The following TNRC6A variants were observed in gnomAD, a reference collection of about 807,000 sequenced individuals.
TNRC6A encodes the protein trinucleotide repeat containing adaptor 6A.
In TNRC6A, 44 loss-of-function variants were observed where a neutral mutation model predicts 221.2. That is an observed-to-expected ratio of 0.20 (90% CI 0.16 to 0.26). TNRC6A has a LOEUF of 0.26. Among genes scored for constraint, TNRC6A ranks in the 10% least tolerant of loss-of-function variants. The pLI, the probability that TNRC6A is intolerant of heterozygous loss-of-function variation, is 1.00. For synonymous variants in TNRC6A, 847 were observed against 838.5 expected (o/e 1.01, Z -0.18); for missense variants, 2,199 against 2,404.4 (o/e 0.91, Z 1.79).
chr16:24,738,211 T>G (rs984922438), intron 2 of TNRC6A, among the ~76,000 whole-genome samples: 4 of 152,154 alleles, frequency 2.6e-5, no homozygotes, highest in Non-Finnish European at 4.4e-5. Flanking sequence ...CCCTTCCACC[T>G]TTTGCCCTGT....
At position 24,791,526 on chromosome 16, in the gene TNRC6A, A is replaced by G; in HGVS notation, c.2884A>G (p.Thr962Ala). Residue 962 changes from threonine to alanine, a missense_variant, in exon 6 of 25, where the codon ACA becomes GCA. Thr to Ala is a moderately conservative substitution (Grantham distance 58). Coordinates refer to ENST00000395799, the MANE Select transcript of TNRC6A (RefSeq NM_014494.4). The part of the protein sequence containing the change: ...IVGSWGIPPA[T>A]GKPPGTGWLG... The stretch of plus-strand genomic sequence containing the variant: ...TGGATCTTGGGGAATCCCACCAGCT[A>G]CAGGCAAACCTCCTGGTACAGGCTG... 6.5e-7 allele frequency: 1 copy of G among 1,537,306 alleles called. No homozygotes were observed. The highest frequency in any genetic ancestry group is 8.7e-7 in the Non-Finnish European group (1 of 1,146,578).
At chr16:24,723,591 CA>C (rs71383707) in intron 2 of TNRC6A, among the ~76,000 whole-genome samples, 37 of 140,372 alleles carry the variant, frequency 2.6e-4, no homozygotes, top group Middle Eastern at 3.8e-3. Flanking sequence ...AAGACTCTGT[CA>C]AAAAAAAAAA....
intron 1 of TNRC6A, among the ~76,000 whole-genome samples, chr16:24,621,809 A>G (rs2141602479): frequency 6.6e-6 from 1 of 152,350 alleles, no homozygotes; most frequent in South Asian, 2.1e-4. Flanking sequence ...TAGTAAAAAT[A>G]GTACTACAAA....
At chr16:24,745,237 CT>C (rs2056979547) in intron 2 of TNRC6A, among the ~76,000 whole-genome samples, 2 of 152,196 alleles carry the variant, frequency 1.3e-5, no homozygotes. Context: ...CTCCAACTTC[CT>C]TACCTATTTT....
At chr16:24,797,778 A>G in intron 10 of TNRC6A, 137 bp from the exon 11 acceptor site, 1 of 879,708 alleles carries the variant, frequency 1.1e-6, no homozygotes, top group South Asian at 2.2e-5. Context: ...TTTAAAAATT[A>G]CATTAGGCAG....
At chr16:24,730,435 G>T in intron 2 of TNRC6A, 135 bp downstream of exon 2, 1 of 989,758 alleles carries the variant, frequency 1.0e-6, no homozygotes, top group Non-Finnish European at 1.5e-6. Context: ...GGGAGAAGCG[G>T]CCTGGGGGAA....
intron 18 of TNRC6A, among the ~76,000 whole-genome samples, chr16:24,812,257 G>T (rs747278839): frequency 1.3e-5 from 2 of 151,804 alleles, no homozygotes; most frequent in Non-Finnish European, 2.9e-5. Flanking sequence ...TCACCATGTT[G>T]GCCAGGCTGG....
chr16:24,805,146 C>G lies in TNRC6A; in HGVS notation c.4117C>G (p.Pro1373Ala). ...RAQVPPPLLS[P>A]QVPVSLLKYA... ...TCAAGTGCCTCCTCCATTACTCTCCCCTCAGGTAAATAAGCTTTCCTTACA... is the reference window on the plus strand; with the variant it reads ...TCAAGTGCCTCCTCCATTACTCTCCGCTCAGGTAAATAAGCTTTCCTTACA... Residue 1373 changes from proline (P) to alanine (A), a missense_variant, in exon 14 of 25, where the codon CCT becomes GCT. Physicochemically the swap from Pro to Ala is conservative, Grantham distance 27 (BLOSUM62 -1). Around this residue, in one of 8 missense-constraint regions of TNRC6A, gnomAD observed 449 missense variants for 579.7 expected, o/e 0.77. Coordinates refer to ENST00000395799, the MANE Select transcript of TNRC6A (RefSeq NM_014494.4). 1.2e-6 allele frequency: 2 copies of G among 1,614,110 alleles called. No homozygotes were observed. The highest frequency in any genetic ancestry group is 1.7e-6 in the Non-Finnish European group (2 of 1,180,000).
intron 2 of TNRC6A, among the ~76,000 whole-genome samples, chr16:24,646,859 C>T (rs1300671360): frequency 6.6e-6 from 1 of 152,134 alleles, no homozygotes; most frequent in Non-Finnish European, 1.5e-5. Context: ...TACGTTCTTT[C>T]ATTCTATGGG....
At chr16:24,729,919 G>T in intron 1 of TNRC6A, 73 bp downstream of exon 1, 1 of 1,187,976 alleles carries the variant, frequency 8.4e-7, no homozygotes, top group Non-Finnish European at 1.0e-6. Flanking sequence ...AACCCGCGGC[G>T]GCGGCAGCAG....
chr16:24,806,143 A>T (rs974653681), intron 15 of TNRC6A, 63 bp from the exon 16 acceptor site: 2 of 1,590,914 alleles, frequency 1.3e-6, no homozygotes, highest in African/African-American at 2.7e-5. Flanking sequence ...TGCTGTCGTC[A>T]TTTGGAAGCA....
intron 4 of TNRC6A, among the ~76,000 whole-genome samples, chr16:24,769,426 T>G (rs1255272157): frequency 4.0e-5 from 6 of 151,182 alleles, no homozygotes; most frequent in African/African-American, 1.5e-4. Context: ...TTTTCCCATT[T>G]CTTTAAAACT....
intron 5 of TNRC6A, among the ~76,000 whole-genome samples, chr16:24,779,158 G>A (rs746030737): frequency 2.2e-4 from 34 of 152,152 alleles, no homozygotes; most frequent in Non-Finnish European, 4.6e-4. Context: ...TCAGGTGTGG[G>A]CATAGGAAGA....
At chr16:24,695,121 G>T (rs112271158) in intron 2 of TNRC6A, among the ~76,000 whole-genome samples, 8 of 152,152 alleles carry the variant, frequency 5.3e-5, no homozygotes, top group African/African-American at 1.9e-4. Context: ...AGTTCTTCAC[G>T]AGCACCATCT....
chr16:24,655,572 C>T (rs1042357974), intron 2 of TNRC6A, among the ~76,000 whole-genome samples: 1 of 151,908 alleles, frequency 6.6e-6, no homozygotes, highest in Non-Finnish European at 1.5e-5. Flanking sequence ...GTCTGTAATC[C>T]CAGCTACTCG....
chr16:24,631,035 G>A (rs1901306187), intron 1 of TNRC6A, among the ~76,000 whole-genome samples: 1 of 151,268 alleles, frequency 6.6e-6, no homozygotes, highest in African/African-American at 2.4e-5. Flanking sequence ...AAAAAAAAAA[G>A]GGACCAGCCC....
intron 18 of TNRC6A, among the ~76,000 whole-genome samples, chr16:24,814,409 C>CTTTTTTTTT (rs1174753134): frequency 1.5e-4 from 18 of 116,754 alleles, no homozygotes; most frequent in East Asian, 2.4e-4. Context: ...TTTTTTTTTT[C>CTTTTTTTTT]TTTTTTTTTT....
Position 24,791,043 on chromosome 16 carries a change from C to A in TNRC6A, c.2401C>A (p.Gln801Lys). 1 of 1,593,836 alleles carries A rather than the reference C, an allele frequency of 6.3e-7. No homozygotes were observed. The highest frequency in any genetic ancestry group is 1.2e-5 in the South Asian group (1 of 86,492). Residue 801 changes from glutamine (Q) to lysine (K), a missense_variant, in exon 6 of 25, where the codon CAG becomes AAG. By Grantham distance (53) the Gln-to-Lys change is moderately conservative (BLOSUM62 1). Around this residue, in one of 8 missense-constraint regions of TNRC6A, gnomAD observed 1,405 missense variants for 1,400.2 expected, o/e 1.00. Transcript: ENST00000395799. ...GGGAGATTCCAAAGGCTCAAACTGCCAGGGGGGGTGGGAAGATGATTCTGC... is the reference window on the plus strand; with the variant it reads ...GGGAGATTCCAAAGGCTCAAACTGCAAGGGGGGGTGGGAAGATGATTCTGC... ...RWGDSKGSNCQGGWEDDSAAT... is the reference protein window; with the variant it reads ...RWGDSKGSNCKGGWEDDSAAT...
chr16:24,650,569 G>A (rs1157365451), intron 2 of TNRC6A, among the ~76,000 whole-genome samples: 1 of 152,086 alleles, frequency 6.6e-6, no homozygotes, highest in Non-Finnish European at 1.5e-5. Flanking sequence ...GGTGGCTGAG[G>A]CAGGAGAATC....
Sources: gnomAD v4.1 joint callset for allele counts (sites outside exome capture counted in the v4.1 genomes callset) on GRCh38, gnomAD v4.1.1 for gene constraint, gnomAD v4.1.1 regional missense constraint, MANE v1.5 for transcripts, NCBI Gene and HGNC (gene_info 2026-07-23, HGNC 2026-07-21) for gene names.